Variants in CDH13 observed in about 807,000 individuals in gnomAD.
CDH13 encodes cadherin-13.
CDH13 carries 24 observed loss-of-function variants against 63.8 expected under a neutral mutation model. The observed-to-expected ratio is 0.38, with a 90% CI of 0.27 to 0.53. The LOEUF is 0.53. CDH13 is among the 20% of genes least tolerant of loss of function. CDH13 has a pLI of 0.85. For missense variants in CDH13, 1,049 were observed against 903.1 expected (o/e 1.16, Z -2.07); for synonymous variants, 503 against 355.3 (o/e 1.42, Z -4.67).
At chr16:83,544,623 G>A (rs541275989) in intron 7 of CDH13, among the ~76,000 whole-genome samples, 1 of 152,178 alleles carries the variant, frequency 6.6e-6, no homozygotes, top group Admixed American at 6.5e-5. Context: ...TGCTAACCCA[G>A]AAAAAGACTA....
chr16:83,475,685 A>G (rs143364810), intron 6 of CDH13, among the ~76,000 whole-genome samples: 19 of 152,150 alleles, frequency 1.2e-4, no homozygotes, highest in African/African-American at 3.9e-4. Context: ...GTGTTCAAGC[A>G]GTTCTCACAC....
intron 4 of CDH13, among the ~76,000 whole-genome samples, chr16:83,128,185 G>A (rs1224542111): frequency 6.6e-6 from 1 of 152,184 alleles, no homozygotes. Context: ...TTCCACTGGG[G>A]TGGGGGTGAG....
intron 4 of CDH13, among the ~76,000 whole-genome samples, chr16:83,142,829 G>T (rs886551953): frequency 6.6e-6 from 1 of 152,260 alleles, no homozygotes; most frequent in Non-Finnish European, 1.5e-5. Flanking sequence ...GGGGCCGGGC[G>T]CAGTGGCTTA....
chr16:82,890,140 T>A (rs1289560610), intron 2 of CDH13, among the ~76,000 whole-genome samples: 1 of 152,224 alleles, frequency 6.6e-6, no homozygotes, highest in African/African-American at 2.4e-5. Flanking sequence ...TGATGCTAGC[T>A]GCAGTTGCTA....
rs139920918 is a variant in CDH13, at chr16:83,039,248, A to G, written c.366+7030A>G. ...CTTAATAGGCTCTCACTTCCTGATC[A>G]GCTCACCTGGCCTTGGGGATAAATT... is the stretch of plus-strand genomic sequence containing the variant. On this transcript the variant is annotated intron_variant, in intron 3 of 13. Coordinates refer to ENST00000567109, the MANE Select transcript of CDH13 (RefSeq NM_001257.5). 2.0e-5 allele frequency among the ~76,000 whole-genome samples: 3 copies of G among 152,320 alleles called. No homozygotes were observed. The East Asian group carries it at 5.8e-4, about 29-fold the overall frequency.
At chr16:83,571,291 G>C (rs1452719487) in intron 7 of CDH13, among the ~76,000 whole-genome samples, 1 of 152,088 alleles carries the variant, frequency 6.6e-6, no homozygotes, top group Non-Finnish European at 1.5e-5. Flanking sequence ...TGTCACATGA[G>C]GGACAGTGAG....
chr16:83,649,863 G>A (rs1488653625), intron 8 of CDH13, among the ~76,000 whole-genome samples: 1 of 152,194 alleles, frequency 6.6e-6, no homozygotes, highest in African/African-American at 2.4e-5. Flanking sequence ...TTCAAAAGGC[G>A]GGCCCAGGTT....
chr16:83,203,353 C>T (rs1449996186), intron 4 of CDH13, among the ~76,000 whole-genome samples: 3 of 152,218 alleles, frequency 2.0e-5, no homozygotes, highest in South Asian at 2.1e-4. Context: ...AACAAACCCA[C>T]ACATGTACCG....
At chr16:83,324,040 C>CTTTTTTTTTTTTT (rs200015057) in intron 5 of CDH13, among the ~76,000 whole-genome samples, 1 of 141,352 alleles carries the variant, frequency 7.1e-6, no homozygotes. Context: ...TCTTCTTCTT[C>CTTTTTTTTTTTTT]TTTTTTTTTT....
chr16:82,912,957 A>AG (rs1491246871), intron 2 of CDH13, among the ~76,000 whole-genome samples: 2 of 151,384 alleles, frequency 1.3e-5, no homozygotes, highest in Admixed American at 6.6e-5. Context: ...AAAAAAAAAA[A>AG]GAGTGGTGCT....
intron 2 of CDH13, among the ~76,000 whole-genome samples, chr16:82,964,832 G>C (rs1303019472): frequency 6.6e-6 from 1 of 152,154 alleles, no homozygotes; most frequent in Non-Finnish European, 1.5e-5. Context: ...ACTGATCCTG[G>C]GTTTTTTTCT....
intron 1 of CDH13, among the ~76,000 whole-genome samples, chr16:82,737,589 A>C (rs1291546130): frequency 6.6e-6 from 1 of 152,130 alleles, no homozygotes; most frequent in East Asian, 1.9e-4. Flanking sequence ...CAATGCAGAG[A>C]AGGTTTATAG....
At chr16:82,878,299 A>G (rs568515502) in intron 2 of CDH13, among the ~76,000 whole-genome samples, 2 of 152,096 alleles carry the variant, frequency 1.3e-5, no homozygotes, top group East Asian at 2.0e-4. Flanking sequence ...TTGCTCTCTC[A>G]GTAAACCCTG....
At chr16:83,016,967 G>A (rs1914868283) in intron 2 of CDH13, among the ~76,000 whole-genome samples, 1 of 152,202 alleles carries the variant, frequency 6.6e-6, no homozygotes, top group Non-Finnish European at 1.5e-5. Context: ...ATCTTGGGAT[G>A]TGTGATGACT....
At chr16:82,715,377 G>A (rs1715266127) in intron 1 of CDH13, among the ~76,000 whole-genome samples, 1 of 152,062 alleles carries the variant, frequency 6.6e-6, no homozygotes, top group Non-Finnish European at 1.5e-5. Context: ...AGGCAAAGGC[G>A]GCCCCGCCCC....
chr16:82,968,857 C>T (rs911062707), intron 2 of CDH13, among the ~76,000 whole-genome samples: 7 of 152,166 alleles, frequency 4.6e-5, no homozygotes, highest in Non-Finnish European at 8.8e-5. Flanking sequence ...TAGTGGCTCA[C>T]GCCTGTAATC....
chr16:82,732,070 T>C (rs1402311619), intron 1 of CDH13, among the ~76,000 whole-genome samples: 1 of 152,170 alleles, frequency 6.6e-6, no homozygotes, highest in African/African-American at 2.4e-5. Flanking sequence ...AATGAGTTCT[T>C]CCCTTTATGC....
At chr16:83,263,358 C>T (rs935657154) in intron 5 of CDH13, among the ~76,000 whole-genome samples, 10 of 152,122 alleles carry the variant, frequency 6.6e-5, no homozygotes, top group Non-Finnish European at 1.5e-4. Flanking sequence ...GTTTTGTTTT[C>T]AGAAAATCAG....
intron 8 of CDH13, among the ~76,000 whole-genome samples, chr16:83,607,469 A>G (rs976477529): frequency 6.6e-6 from 1 of 152,138 alleles, no homozygotes; most frequent in African/African-American, 2.4e-5. Context: ...TCTCGTGTTC[A>G]TTTACAATGA....
Sources: gnomAD v4.1 joint callset for allele counts (sites outside exome capture counted in the v4.1 genomes callset) on GRCh38, gnomAD v4.1.1 for gene constraint, MANE v1.5 for transcripts, NCBI Gene and HGNC (gene_info 2026-07-23, HGNC 2026-07-21) for gene names.